Variants in KIAA1217 observed in about 807,000 individuals in gnomAD.
The protein encoded by KIAA1217 is KIAA1217.
In KIAA1217, 88 loss-of-function variants were observed where a neutral mutation model predicts 163.9. That is an observed-to-expected ratio of 0.54 (90% CI 0.45 to 0.64). The LOEUF (loss-of-function observed/expected upper bound fraction) is 0.64. Ranked by LOEUF, KIAA1217 falls within the 30% of genes least tolerant of loss-of-function variation. The pLI is 0.00. For synonymous variants in KIAA1217, 903 were observed against 923.1 expected (o/e 0.98, Z 0.39); for missense variants, 2,372 against 2,475.0 (o/e 0.96, Z 0.88).
chr10:23,903,954 T>A (rs1842051050), intron 1 of KIAA1217, among the ~76,000 whole-genome samples: 1 of 152,178 alleles, frequency 6.6e-6, no homozygotes, highest in African/African-American at 2.4e-5. Flanking sequence ...TTGGAATTTC[T>A]GTGCTAGCAT....
intron 1 of KIAA1217, among the ~76,000 whole-genome samples, chr10:23,947,340 C>T (rs1844102047): frequency 1.3e-5 from 2 of 152,114 alleles, no homozygotes; most frequent in East Asian, 1.9e-4. Context: ...TTTAGCTGGC[C>T]AAAACCACGA....
chr10:24,542,008 G>A (rs755655400), intron 17 of KIAA1217, among the ~76,000 whole-genome samples: 4 of 152,222 alleles, frequency 2.6e-5, no homozygotes, highest in Non-Finnish European at 4.4e-5. Context: ...TCGTGGCTAT[G>A]AGGAGTGTGA....
chr10:23,850,707 A>G (rs945599613), intron 1 of KIAA1217, among the ~76,000 whole-genome samples: 1 of 152,146 alleles, frequency 6.6e-6, no homozygotes, highest in Admixed American at 6.6e-5. Flanking sequence ...GCTATAAAAA[A>G]CTACCTGAGA....
At chr10:23,897,100 TA>T (rs1841741080) in intron 1 of KIAA1217, among the ~76,000 whole-genome samples, 1 of 152,090 alleles carries the variant, frequency 6.6e-6, no homozygotes, top group Non-Finnish European at 1.5e-5. Flanking sequence ...TTCATATAGT[TA>T]AACTTGTTTA....
chr10:24,162,759 C>A (rs145693615), intron 2 of KIAA1217, among the ~76,000 whole-genome samples: 3 of 152,278 alleles, frequency 2.0e-5, no homozygotes, highest in Non-Finnish European at 2.9e-5. Flanking sequence ...TGCAGTCAAG[C>A]TTTTGGCTAG....
chr10:24,339,416 G>A (rs2046785568), intron 2 of KIAA1217, among the ~76,000 whole-genome samples: 1 of 152,182 alleles, frequency 6.6e-6, no homozygotes, highest in African/African-American at 2.4e-5. Flanking sequence ...GAAATCCCAT[G>A]TCACCTCTTG....
chr10:23,990,350 T>C (rs2131435847), intron 1 of KIAA1217, among the ~76,000 whole-genome samples: 1 of 152,340 alleles, frequency 6.6e-6, no homozygotes, highest in Middle Eastern at 3.4e-3. Context: ...GCTTAAATCT[T>C]TCCCTTTTCT....
chr10:24,298,045 CTA>C (rs2040828200), intron 2 of KIAA1217, among the ~76,000 whole-genome samples: 1 of 151,976 alleles, frequency 6.6e-6, no homozygotes, highest in African/African-American at 2.4e-5. Flanking sequence ...TTAATAGACT[CTA>C]AAAATATTTT....
intron 2 of KIAA1217, among the ~76,000 whole-genome samples, chr10:24,341,751 C>G (rs2047127973): frequency 6.6e-6 from 1 of 152,250 alleles, no homozygotes; most frequent in East Asian, 1.9e-4. Flanking sequence ...TTTCCAACTG[C>G]TAACTAATAG....
At chr10:24,343,177 G>A (rs1287608465) in intron 2 of KIAA1217, among the ~76,000 whole-genome samples, 2 of 152,118 alleles carry the variant, frequency 1.3e-5, no homozygotes, top group Non-Finnish European at 2.9e-5. Flanking sequence ...ACTTTCTAAA[G>A]GTAGAATTGA....
chr10:24,036,768 G>A (rs974951024), intron 2 of KIAA1217, among the ~76,000 whole-genome samples: 9 of 152,238 alleles, frequency 5.9e-5, no homozygotes, highest in South Asian at 4.1e-4. Flanking sequence ...TCATTACCAC[G>A]AGGACCGCAA....
chr10:24,433,873 C>G (rs2059798677), intron 4 of KIAA1217, among the ~76,000 whole-genome samples: 2 of 152,034 alleles, frequency 1.3e-5, no homozygotes, highest in East Asian at 1.9e-4. Context: ...AAGAGTTGTC[C>G]TTTACCCAAA....
chr10:24,150,048 A>G lies in KIAA1217; in HGVS notation c.-170-69578A>G, dbSNP rs896746824. ...TTTCTTTTTTTTGAGATGGAGTTAA[A>G]CTTTTGTTGCCCAGCGTAGAGTGCA... is the stretch of plus-strand genomic sequence containing the variant. On this transcript the variant is annotated intron_variant, in intron 2 of 18. Transcript: ENST00000376462. Among the ~76,000 whole-genome samples the G allele has an allele frequency of 2.0e-5, 3 of 152,034 alleles. No homozygotes were observed. The South Asian group carries it at 6.3e-4, about 32-fold the overall frequency.
At chr10:24,040,212 A>C (rs1486455639) in intron 2 of KIAA1217, among the ~76,000 whole-genome samples, 3 of 152,202 alleles carry the variant, frequency 2.0e-5, no homozygotes, top group African/African-American at 7.2e-5. Flanking sequence ...TGTCACTGTC[A>C]GTCATTATTC....
At chr10:23,705,247 G>T (rs1222633183) in intron 1 of KIAA1217, among the ~76,000 whole-genome samples, 1 of 151,902 alleles carries the variant, frequency 6.6e-6, no homozygotes, top group South Asian at 2.1e-4. Flanking sequence ...TTTCCTGATG[G>T]TTTATTTTGC....
rs375697958 is a variant in KIAA1217, at chr10:24,400,962, T to TACACACACACACACACACACACACACAC, written c.553+19905_553+19932dup. On this transcript the variant is annotated intron_variant, in intron 3 of 20. Coordinates refer to ENST00000376454, the MANE Select transcript of KIAA1217 (RefSeq NM_019590.5). ...AACACAAAATTCCAAGCAAGAAACA[T>TACACACACACACACACACACACACACAC]ACACACACACACACACACACACACA... Among the ~76,000 whole-genome samples the TACACACACACACACACACACACACACAC allele has an allele frequency of 7.7e-5, 9 of 117,114 alleles. 1 individual carries two copies. Among genetic ancestry groups the TACACACACACACACACACACACACACAC allele is most frequent in the African/African-American group, 3.0e-4 (9 of 30,090 alleles). The allele number at this position is 117,114 out of a possible 152,430, so 76.8% of individuals were successfully genotyped here. A position where few individuals can be genotyped will look rare whatever the true frequency, so the allele number is the denominator to read the frequency against.
At chr10:23,803,499 T>C (rs1408185884) in intron 1 of KIAA1217, among the ~76,000 whole-genome samples, 1 of 152,224 alleles carries the variant, frequency 6.6e-6, no homozygotes, top group African/African-American at 2.4e-5. Context: ...TGAGATCGGC[T>C]GAGGTTTCTT....
chr10:23,919,052 G>T (rs1318669504), intron 1 of KIAA1217, among the ~76,000 whole-genome samples: 1 of 152,112 alleles, frequency 6.6e-6, no homozygotes, highest in Non-Finnish European at 1.5e-5. Context: ...TTCAGTCTGA[G>T]ATGTTGAAAG....
intron 2 of KIAA1217, among the ~76,000 whole-genome samples, chr10:24,362,844 T>C (rs2050206836): frequency 6.6e-6 from 1 of 151,366 alleles, no homozygotes; most frequent in African/African-American, 2.4e-5. Context: ...CTACTAAAAA[T>C]ACAAAAATTA....
Sources: gnomAD v4.1 joint callset for allele counts (sites outside exome capture counted in the v4.1 genomes callset) on GRCh38, gnomAD v4.1.1 for gene constraint, MANE v1.5 for transcripts, NCBI Gene and HGNC (gene_info 2026-07-23, HGNC 2026-07-21) for gene names.